Variants in PCDHGB7 observed in about 807,000 individuals in gnomAD.
The protein encoded by PCDHGB7 is protocadherin gamma-B7.
In PCDHGB7, 37 loss-of-function variants were observed where a neutral mutation model predicts 61.4. That is an observed-to-expected ratio of 0.60 (90% CI 0.46 to 0.79). The LOEUF (loss-of-function observed/expected upper bound fraction) is 0.79, where lower values mean the gene tolerates loss of function less well. PCDHGB7 is among the 30% of genes least tolerant of loss of function. PCDHGB7 has a pLI of 0.00. For synonymous variants in PCDHGB7, 464 were observed against 503.5 expected (o/e 0.92, Z 1.05); for missense variants, 1,166 against 1,202.5 (o/e 0.97, Z 0.45).
At chr5:141,484,801 A>G (rs1285617622) in intron 1 of PCDHGB7, among the ~76,000 whole-genome samples, 3 of 152,024 alleles carry the variant, frequency 2.0e-5, no homozygotes, top group African/African-American at 7.2e-5. Flanking sequence ...CAACCCGTGG[A>G]AAAACATGCC....
chr5:141,492,471 C>T (rs937691695), intron 1 of PCDHGB7, among the ~76,000 whole-genome samples: 8 of 152,240 alleles, frequency 5.3e-5, no homozygotes, highest in Non-Finnish European at 1.0e-4. Flanking sequence ...GGTCCCAGAT[C>T]GCGGCCGCCC....
intron 1 of PCDHGB7, among the ~76,000 whole-genome samples, chr5:141,462,825 C>T (rs1040054698): frequency 4.6e-5 from 7 of 152,124 alleles, no homozygotes; most frequent in Admixed American, 3.9e-4. Context: ...GGACAGCAGA[C>T]ATTGTAAATG....
chr5:141,494,586 G>A (rs770159202), intron 1 of PCDHGB7, among the ~76,000 whole-genome samples: 1 of 152,112 alleles, frequency 6.6e-6, no homozygotes, highest in Non-Finnish European at 1.5e-5. Context: ...GCTCACTGTG[G>A]TCAGATGAAA....
At chr5:141,423,797 C>A in intron 1 of PCDHGB7, 2 of 1,249,164 alleles carry the variant, frequency 1.6e-6, no homozygotes, top group African/African-American at 1.6e-5. Flanking sequence ...ATATTTAGAG[C>A]AATACATGTG....
intron 1 of PCDHGB7, among the ~76,000 whole-genome samples, chr5:141,433,805 C>T (rs1325364387): frequency 1.3e-5 from 2 of 150,004 alleles, no homozygotes; most frequent in South Asian, 4.2e-4. Flanking sequence ...CCATTGCACT[C>T]CAGCCTGGGC....
At chr5:141,452,240 C>G (rs1365703172) in intron 1 of PCDHGB7, among the ~76,000 whole-genome samples, 1 of 152,084 alleles carries the variant, frequency 6.6e-6, no homozygotes, top group Non-Finnish European at 1.5e-5. Flanking sequence ...TTCTTGTGTC[C>G]TTTTGCCATA....
chr5:141,491,414 G>T lies in PCDHGB7; in HGVS notation c.2416-3393G>T, dbSNP rs137987971. ...CTTCAGGGAAACGCAGACGGGGACGGGGGTGGAGGGCAGTGCTGCAGGCGC... is the reference window on the plus strand; with the variant it reads ...CTTCAGGGAAACGCAGACGGGGACGTGGGTGGAGGGCAGTGCTGCAGGCGC... On this transcript the variant is annotated intron_variant, in intron 1 of 3. Coordinates refer to ENST00000398594, the MANE Select transcript of PCDHGB7 (RefSeq NM_018927.4). The surrounding 1 kb of genome is among the most constrained non-coding windows in gnomAD (Gnocchi z 6.9). 1.9e-6 allele frequency: 3 copies of T among 1,614,008 alleles called. No homozygotes were observed. Among genetic ancestry groups the T allele is most frequent in the Non-Finnish European group, 2.5e-6 (3 of 1,180,030 alleles).
chr5:141,471,006 T>A (rs560578929), intron 1 of PCDHGB7, among the ~76,000 whole-genome samples: 57 of 150,804 alleles, frequency 3.8e-4, no homozygotes, highest in African/African-American at 1.3e-3. Context: ...CATGAGCCAC[T>A]GTGCCTGGTC....
At chr5:141,494,752 T>G (rs889400984) in intron 1 of PCDHGB7, 55 bp from the exon 2 acceptor site, 6 of 1,612,324 alleles carry the variant, frequency 3.7e-6, no homozygotes, top group East Asian at 2.2e-5. Flanking sequence ...GGGGCTCGGG[T>G]GACATTCTAA....
In PCDHGB7 at chr5:141,490,108, C is replaced by A; in HGVS notation, c.2416-4699C>A. The A allele has an allele frequency of 6.2e-7, 1 of 1,614,244 alleles. No homozygotes were observed. The highest frequency in any genetic ancestry group is 8.5e-7 in the Non-Finnish European group (1 of 1,180,034). On this transcript the variant is annotated intron_variant, in intron 1 of 3. Transcript: ENST00000398594. This position sits in a 1 kb window ranked among gnomAD's most constrained non-coding sequence, Gnocchi z 5.4. The stretch of plus-strand genomic sequence containing the variant: ...TGGAGACCACACATCTGAGGCAGTG[C>A]GGAACCTCTTTGGCCTAGACCCTAG...
rs562011010 is a variant in PCDHGB7, at chr5:141,427,600, G to A, written c.2415+7326G>A. On this transcript the variant is annotated intron_variant, in intron 1 of 3. Coordinates refer to ENST00000398594, the MANE Select transcript of PCDHGB7 (RefSeq NM_018927.4). ...TCATCCAGCACAAGCCTCACCCTAC[G>A]CATTGGTGAAGTCAACGACAATGCT... The A allele has an allele frequency of 6.7e-5, 46 of 683,296 alleles. 1 individual carries two copies. The East Asian group carries it at 1.2e-3, about 18-fold the overall frequency. 42.3% of individuals were successfully genotyped at this position (683,296 alleles called of 1,614,324 possible). A position where few individuals can be genotyped will look rare whatever the true frequency, so the allele number is the denominator to read the frequency against.
chr5:141,477,752 G>C lies in PCDHGB7; in HGVS notation c.2416-17055G>C. On this transcript the variant is annotated intron_variant, in intron 1 of 3. Coordinates refer to ENST00000398594, the MANE Select transcript of PCDHGB7 (RefSeq NM_018927.4). This position sits in a 1 kb window ranked among gnomAD's most constrained non-coding sequence, Gnocchi z 4.9. ...TCATATCAGCGATGGGGGCACCCCG[G>C]TCCTAGCCACCAACATCAGCGTGAA... The C allele has an allele frequency of 6.2e-7, 1 of 1,613,868 alleles. No homozygotes were observed.
chr5:141,509,830 T>A (rs1328716142), intron 3 of PCDHGB7, among the ~76,000 whole-genome samples: 1 of 152,204 alleles, frequency 6.6e-6, no homozygotes, highest in African/African-American at 2.4e-5. Flanking sequence ...ATCTTCTCTC[T>A]ACCTCCCATT....
chr5:141,484,530 A>G (rs1406516272), intron 1 of PCDHGB7, among the ~76,000 whole-genome samples: 1 of 152,200 alleles, frequency 6.6e-6, no homozygotes, highest in East Asian at 1.9e-4. Context: ...TTTTGAGTAT[A>G]TGGCAGTGGT....
At chr5:141,510,879 G>T in intron 3 of PCDHGB7, 68 bp from the exon 4 acceptor site, 1 of 1,611,520 alleles carries the variant, frequency 6.2e-7, no homozygotes, top group Non-Finnish European at 8.5e-7. Flanking sequence ...TAACTGCTGG[G>T]GATATAAGAC....
chr5:141,427,103 G>A (rs1216465844), intron 1 of PCDHGB7: 3 of 457,888 alleles, frequency 6.6e-6, no homozygotes, highest in Non-Finnish European at 1.3e-5. Flanking sequence ...GTGTCAATGC[G>A]GAGATCACCT....
chr5:141,424,393 A>G (rs1241872928), intron 1 of PCDHGB7: 1 of 152,120 alleles, frequency 6.6e-6, no homozygotes, highest in Non-Finnish European at 1.5e-5. Flanking sequence ...TGTCTTTTCC[A>G]TTACTATGGT....
chr5:141,485,641 G>T lies in PCDHGB7; in HGVS notation c.2416-9166G>T. The T allele has an allele frequency of 6.2e-7, 1 of 1,612,012 alleles. No individual in the cohort carries two copies. Among genetic ancestry groups the T allele is most frequent in the Non-Finnish European group, 8.5e-7 (1 of 1,178,470 alleles). On this transcript the variant is annotated intron_variant, in intron 1 of 3. Transcript: ENST00000398594. The surrounding 1 kb of genome is among the most constrained non-coding windows in gnomAD (Gnocchi z 5.7). Reference sequence around the variant, plus strand: ...CAGGACAGCGTTTCCCGTTGGAAAAGGCTCAGGATGCAGATGTGGGGAGCA... The same window carrying T: ...CAGGACAGCGTTTCCCGTTGGAAAATGCTCAGGATGCAGATGTGGGGAGCA...
chr5:141,427,937 C>T, intron 1 of PCDHGB7: 1 of 1,584,566 alleles, frequency 6.3e-7, no homozygotes, highest in African/African-American at 1.3e-5. Flanking sequence ...TGTTGGTGGG[C>T]GACCTCAATG....
Sources: allele counts gnomAD v4.1 joint callset (sites outside exome capture counted in the v4.1 genomes callset), GRCh38; gene constraint gnomAD v4.1.1; non-coding constraint Gnocchi (gnomAD v3.1); transcripts MANE v1.5; gene names NCBI Gene and HGNC (gene_info 2026-07-23, HGNC 2026-07-21).